Variants in EML4 observed in about 807,000 individuals in gnomAD.
EML4 encodes the protein echinoderm microtubule-associated protein-like 4.
A neutral mutation model predicts 129.0 loss-of-function variants in EML4; 72 were observed. The observed-to-expected ratio is 0.56, with a 90% CI of 0.46 to 0.68. The LOEUF is 0.68. Ranked by LOEUF, EML4 falls within the 30% of genes least tolerant of loss-of-function variation. EML4 has a pLI of 0.00. For missense variants in EML4, 1,363 were observed against 1,190.6 expected, an observed-to-expected ratio of 1.14 and a Z score of -2.13; for synonymous variants, 532 against 405.0, an observed-to-expected ratio of 1.31 and a Z score of -3.77.
intron 4 of EML4, among the ~76,000 whole-genome samples, chr2:42,262,642 T>A (rs562042853): frequency 6.6e-6 from 1 of 152,350 alleles, no homozygotes; most frequent in Middle Eastern, 3.4e-3. Flanking sequence ...GTATAGGGAA[T>A]CAGGATTGCC....
At chr2:42,214,876 C>T (rs1433142119) in intron 1 of EML4, among the ~76,000 whole-genome samples, 1 of 152,108 alleles carries the variant, frequency 6.6e-6, no homozygotes, top group African/African-American at 2.4e-5. Context: ...TTAGATTCTG[C>T]AAGACTTATT....
intron 1 of EML4, among the ~76,000 whole-genome samples, chr2:42,215,512 T>G (rs1673132856): frequency 6.6e-6 from 1 of 151,998 alleles, no homozygotes; most frequent in African/African-American, 2.4e-5. Context: ...TCAGACTAGA[T>G]TTTTTTTCTG....
intron 11 of EML4, among the ~76,000 whole-genome samples, chr2:42,294,174 A>C (rs1667815728): frequency 6.6e-6 from 1 of 152,230 alleles, no homozygotes; most frequent in Non-Finnish European, 1.5e-5. Flanking sequence ...TTTAATGAAA[A>C]AACTAGTAAT....
At chr2:42,323,848 G>A (rs1167535256) in intron 19 of EML4, among the ~76,000 whole-genome samples, 1 of 151,862 alleles carries the variant, frequency 6.6e-6, no homozygotes, top group Non-Finnish European at 1.5e-5. Flanking sequence ...GGAGGCTGAG[G>A]TGGGAGGATC....
intron 2 of EML4, among the ~76,000 whole-genome samples, chr2:42,250,603 T>G (rs754111136): frequency 6.6e-6 from 1 of 152,106 alleles, no homozygotes; most frequent in East Asian, 1.9e-4. Flanking sequence ...TGTTTGAGCA[T>G]TATAGGGTGT....
chr2:42,239,692 A>AG (rs1674893143), intron 1 of EML4, among the ~76,000 whole-genome samples: 1 of 144,282 alleles, frequency 6.9e-6, no homozygotes, highest in African/African-American at 2.5e-5. Context: ...TTTAAAAACC[A>AG]GGGGGCAATT....
chr2:42,297,185 A>G (rs776266437), intron 13 of EML4, among the ~76,000 whole-genome samples: 3 of 152,150 alleles, frequency 2.0e-5, no homozygotes, highest in Non-Finnish European at 4.4e-5. Context: ...ACAACAATAT[A>G]TTATCAACTA....
At chr2:42,221,673 G>A (rs192623196) in intron 1 of EML4, among the ~76,000 whole-genome samples, 87 of 151,818 alleles carry the variant, frequency 5.7e-4, no homozygotes, top group African/African-American at 2.0e-3. Flanking sequence ...GCGTGATCTC[G>A]GCTCATCACA....
intron 17 of EML4, among the ~76,000 whole-genome samples, chr2:42,306,360 C>A (rs1396600748): frequency 6.6e-6 from 1 of 151,942 alleles, no homozygotes; most frequent in Non-Finnish European, 1.5e-5. Flanking sequence ...CAGAAAACCA[C>A]AAAGGAATTC....
At chr2:42,279,485 T>C (rs552680453) in intron 6 of EML4, among the ~76,000 whole-genome samples, 244 of 151,506 alleles carry the variant, frequency 1.6e-3, no homozygotes, top group Middle Eastern at 3.4e-3. Flanking sequence ...TGAGACGCAG[T>C]CTTGCTCTGT....
intron 6 of EML4, among the ~76,000 whole-genome samples, chr2:42,270,822 G>A (rs990740962): frequency 2.0e-5 from 3 of 152,210 alleles, no homozygotes; most frequent in Admixed American, 6.5e-5. Context: ...AGTTTGTTGA[G>A]TGTGGATAAA....
chr2:42,288,368 T>C, intron 11 of EML4, 46 bp downstream of exon 11: 1 of 974,402 alleles, frequency 1.0e-6, no homozygotes, highest in East Asian at 2.5e-5. Flanking sequence ...GTACGTTACT[T>C]GTTTTGCAGG....
chr2:42,254,407 A>C (rs1375703209), intron 2 of EML4, among the ~76,000 whole-genome samples: 1 of 151,496 alleles, frequency 6.6e-6, no homozygotes, highest in African/African-American at 2.4e-5. Flanking sequence ...GCAGTGAGCC[A>C]TGATTGTGAC....
intron 1 of EML4, among the ~76,000 whole-genome samples, chr2:42,196,220 A>G (rs1174223388): frequency 6.6e-6 from 1 of 152,228 alleles, no homozygotes; most frequent in Non-Finnish European, 1.5e-5. Flanking sequence ...GAGTGAATTA[A>G]TACATTCATT....
chr2:42,220,514 T>C (rs1673518415), intron 1 of EML4, among the ~76,000 whole-genome samples: 1 of 152,142 alleles, frequency 6.6e-6, no homozygotes, highest in Non-Finnish European at 1.5e-5. Context: ...TTCTGACTGC[T>C]CCACACACTG....
intron 1 of EML4, among the ~76,000 whole-genome samples, chr2:42,200,428 C>T (rs1227758380): frequency 2.0e-5 from 3 of 152,146 alleles, no homozygotes; most frequent in Non-Finnish European, 4.4e-5. Context: ...CTGTAGAGAG[C>T]AGTCTTTTTT....
chr2:42,229,277 G>A (rs952686022), intron 1 of EML4, among the ~76,000 whole-genome samples: 10 of 152,164 alleles, frequency 6.6e-5, no homozygotes, highest in East Asian at 5.8e-4. Context: ...ATGTCATCTA[G>A]ATGTTCTTAG....
chr2:42,291,855 G>GGT (rs1276542612), intron 11 of EML4, among the ~76,000 whole-genome samples: 1 of 152,040 alleles, frequency 6.6e-6, no homozygotes, highest in Admixed American at 6.6e-5. Flanking sequence ...CATAAAACAG[G>GGT]GTGTCCAGGT....
At chr2:42,285,208 G>A (rs1207848130) in intron 9 of EML4, among the ~76,000 whole-genome samples, 2 of 151,976 alleles carry the variant, frequency 1.3e-5, no homozygotes, top group African/African-American at 4.8e-5. Context: ...CACCATGCCC[G>A]GCTAACTCTT....
Sources: gnomAD v4.1 joint callset for allele counts (sites outside exome capture counted in the v4.1 genomes callset) on GRCh38, gnomAD v4.1.1 for gene constraint, MANE v1.5 for transcripts, NCBI Gene and HGNC (gene_info 2026-07-23, HGNC 2026-07-21) for gene names.